Variants in GOLGA8J observed in about 807,000 individuals in gnomAD.
GOLGA8J encodes golgin A8 family member J, also known as golgin subfamily A member 8J.
Under a neutral mutation model 67.7 loss-of-function variants are expected in GOLGA8J, and 19 were observed. The observed-to-expected ratio is 0.28, with a 90% CI of 0.20 to 0.41. The LOEUF is 0.41. Ranked by LOEUF, GOLGA8J falls within the 10% of genes least tolerant of loss-of-function variation. The pLI, the probability that GOLGA8J is intolerant of heterozygous loss-of-function variation, is 1.00. For missense variants in GOLGA8J, 205 were observed against 584.3 expected, an observed-to-expected ratio of 0.35 and a Z score of 6.69; for synonymous variants, 69 against 215.9, an observed-to-expected ratio of 0.32 and a Z score of 5.97.
At chr15:30,085,257 G>A (rs2057337986) in intron 2 of GOLGA8J, among the ~76,000 whole-genome samples, 1 of 94,616 alleles carries the variant, frequency 1.1e-5, no homozygotes, top group Admixed American at 9.4e-5. Context: ...CTCCAGCCTG[G>A]TGACAGAGCA....
At position 30,096,613 on chromosome 15, in the gene GOLGA8J, A is replaced by G. The variant is rs2057470514; in HGVS notation, c.*3114A>G. 6.7e-6 allele frequency among the ~76,000 whole-genome samples: 1 copy of G among 148,342 alleles called. No homozygotes were observed. The highest frequency in any genetic ancestry group is 2.5e-5 in the African/African-American group (1 of 39,554). On this transcript the variant is annotated 3_prime_UTR_variant, in exon 19 of 19. Transcript: ENST00000567927. ...AGAGAATGTGTCGTGGAAATACTGA[A>G]AGATTTTTCCCTAGAGTGGCCTTAT...
chr15:30,089,817 G>T lies in GOLGA8J; in HGVS notation c.992G>T (p.Arg331Leu), dbSNP rs1488768645. 3.9e-6 allele frequency: 6 copies of T among 1,542,814 alleles called. No individual in the cohort carries two copies. The highest frequency in any genetic ancestry group is 3.5e-5 in the South Asian group (3 of 86,792). The change falls in exon 12 of 19, where the codon CGC becomes CTC. Residue 331 changes from arginine to leucine, a missense_variant. By Grantham distance (102) the Arg-to-Leu change is moderately radical (BLOSUM62 -2). Transcript: ENST00000567927. Reference sequence around the variant, plus strand: ...CAGGCCCAGGTCAAAAACAATCAGCGCATAAGTCTCCTGAACCAGCGACAA... The same window carrying T: ...CAGGCCCAGGTCAAAAACAATCAGCTCATAAGTCTCCTGAACCAGCGACAA... ...ELQAQVKNNQ[R>L]ISLLNQRQEE...
intron 1 of GOLGA8J, 30 bp from the exon 2 acceptor site, chr15:30,084,741 C>T: frequency 1.1e-6 from 1 of 939,300 alleles, no homozygotes; most frequent in Non-Finnish European, 1.4e-6. Context: ...TGACGGTTCT[C>T]ATGAGTATTA....
In GOLGA8J at chr15:30,092,097, G is replaced by C. The variant is rs561981130; in HGVS notation, c.1332G>C (p.Pro444=). Residue 444 remains proline, a synonymous_variant, in exon 15 of 19, where the codon CCG becomes CCC. Coordinates refer to ENST00000567927, the MANE Select transcript of GOLGA8J (RefSeq NM_001282472.2). ...SEGEEAPRPM[P]SVPEDPESRE... ...GGGAGGAGGCACCTCGGCCCATGCCGAGTGTCCCAGAGGACCCGGAGAGCA... is the reference window on the plus strand; with the variant it reads ...GGGAGGAGGCACCTCGGCCCATGCCCAGTGTCCCAGAGGACCCGGAGAGCA... 10 of 1,580,456 alleles carry C rather than the reference G, an allele frequency of 6.3e-6. No homozygotes were observed. The East Asian group carries it at 2.1e-4, about 33-fold the overall frequency.
rs775973184 is a variant in GOLGA8J, at chr15:30,092,027, G to A, written c.1277-15G>A. On this transcript the variant is annotated splice_polypyrimidine_tract_variant and intron_variant, in intron 14 of 18. Coordinates refer to ENST00000567927, the MANE Select transcript of GOLGA8J (RefSeq NM_001282472.2). ...TGTTGGGTTGTCTGAAGACCCGTCT[G>A]ACCACCCCCCACAGGACACGGAGGA... 1.3e-6 allele frequency: 2 copies of A among 1,598,704 alleles called. No homozygotes were observed. The highest frequency in any genetic ancestry group is 1.1e-5 in the South Asian group (1 of 89,762).
In GOLGA8J at chr15:30,089,211, C is replaced by A. The variant is rs760608922; in HGVS notation, c.787-25C>A. 7.0e-6 allele frequency: 4 copies of A among 574,478 alleles called. No individual in the cohort carries two copies. In the East Asian group the frequency reaches 1.1e-4, roughly 16 times the overall value. The allele number at this position is 574,478 out of a possible 1,614,324, so 35.6% of individuals were successfully genotyped here. A position where few individuals can be genotyped will look rare whatever the true frequency, so the allele number is the denominator to read the frequency against. ...CAGCCTCCAGCCCCTCTCTCCAAGG[C>A]CCTTTCCCCTTGTGCTTTGGGCAGA... is the stretch of plus-strand genomic sequence containing the variant. On this transcript the variant is annotated intron_variant, in intron 10 of 18. Transcript: ENST00000567927.
intron 2 of GOLGA8J, among the ~76,000 whole-genome samples, chr15:30,085,355 C>A (rs1237056468): frequency 6.5e-5 from 5 of 77,150 alleles, no homozygotes; most frequent in Non-Finnish European, 8.3e-5. Context: ...TGATTTAGGG[C>A]AAGTTGCTAG....
Position 30,094,250 on chromosome 15 carries a change from T to G in GOLGA8J, c.*751T>G, listed in dbSNP as rs1474310905. Among the ~76,000 whole-genome samples, 1 of 145,204 alleles carries G rather than the reference T, an allele frequency of 6.9e-6. No homozygotes were observed. The highest frequency in any genetic ancestry group is 1.5e-5 in the Non-Finnish European group (1 of 67,448). On this transcript the variant is annotated 3_prime_UTR_variant, in exon 19 of 19. Coordinates refer to ENST00000567927, the MANE Select transcript of GOLGA8J (RefSeq NM_001282472.2). ...TGGTTCCCTTAGGATTTGTATGTGC[T>G]CTGGGCTCATGAAGATACTGCATCA...
rs1301284927 is a variant in GOLGA8J, at chr15:30,095,488, A to C, written c.*1989A>C. Among the ~76,000 whole-genome samples, 1 of 146,184 alleles carries C rather than the reference A, an allele frequency of 6.8e-6. No individual in the cohort carries two copies. The highest frequency in any genetic ancestry group is 2.2e-4 in the South Asian group (1 of 4,576). On this transcript the variant is annotated 3_prime_UTR_variant, in exon 19 of 19. Transcript: ENST00000567927. ...AGACCAAATAATGCAGCTAATTAACAGTGGTACGATTTGTAGCCCGTGGGT... is the reference window on the plus strand; with the variant it reads ...AGACCAAATAATGCAGCTAATTAACCGTGGTACGATTTGTAGCCCGTGGGT...
intron 11 of GOLGA8J, 145 bp downstream of exon 11, chr15:30,089,468 C>T: frequency 1.5e-6 from 1 of 678,528 alleles, no homozygotes; most frequent in Non-Finnish European, 2.4e-6. Flanking sequence ...CGAGTCTTGT[C>T]ATCTCAATGA....
At position 30,082,987 on chromosome 15, in the gene GOLGA8J, C is replaced by T. The variant is rs1326454826; in HGVS notation, c.-66C>T. 31 of 33,890 alleles carry T rather than the reference C, an allele frequency of 9.1e-4. 1 individual carries two copies. Among genetic ancestry groups the T allele is most frequent in the Non-Finnish European group, 1.3e-3 (25 of 19,436 alleles). The allele number at this position is 33,890 out of a possible 1,614,324, so 2.1% of individuals were successfully genotyped here. ...CAGCTGCCTGGTAGGTGACTGGAGGCCTTGATCGGTTCTCATTGAGATTTT... is the reference window on the plus strand; with the variant it reads ...CAGCTGCCTGGTAGGTGACTGGAGGTCTTGATCGGTTCTCATTGAGATTTT... On this transcript the variant is annotated 5_prime_UTR_variant, in exon 1 of 19. Coordinates refer to ENST00000567927, the MANE Select transcript of GOLGA8J (RefSeq NM_001282472.2).
chr15:30,092,033 C>CA lies in GOLGA8J; in HGVS notation c.1277-9_1277-8insA, dbSNP rs746431465. The CA allele has an allele frequency of 6.1e-5, 97 of 1,598,222 alleles. 6 individuals carry two copies. In the South Asian group the frequency reaches 1.0e-3, roughly 17 times the overall value. ...GTTGTCTGAAGACCCGTCTGACCAC[C>CA]CCCCACAGGACACGGAGGAGAACAT... On this transcript the variant is annotated splice_polypyrimidine_tract_variant and intron_variant, in intron 14 of 18. Transcript: ENST00000567927.
rs1595385877 is a variant in GOLGA8J at position 30,087,686 on chromosome 15, T to C, written c.591+2T>C. On this transcript the variant is annotated splice_donor_variant, in intron 8 of 18. Transcript: ENST00000567927. LOFTEE classifies it high-confidence loss of function. ...ACACAGAAGAAGAAGGCAAACCAGG[T>C]GAGTCCAACCACCTGCCCCATCCCC... 1.8e-6 allele frequency: 1 copy of C among 563,412 alleles called. No individual in the cohort carries two copies. Among genetic ancestry groups the C allele is most frequent in the South Asian group, 1.6e-5 (1 of 61,790 alleles). 34.9% of individuals were successfully genotyped at this position (563,412 alleles called of 1,614,324 possible).
Position 30,092,350 on chromosome 15 carries a change from G to C in GOLGA8J, c.1368+217G>C. 1.4e-5 allele frequency: 5 copies of C among 349,234 alleles called. 1 individual carries two copies. The highest frequency in any genetic ancestry group is 2.0e-5 in the Non-Finnish European group (5 of 255,072). The allele number at this position is 349,234 out of a possible 1,614,324, so 21.6% of individuals were successfully genotyped here. A position where few individuals can be genotyped will look rare whatever the true frequency, so the allele number is the denominator to read the frequency against. On this transcript the variant is annotated intron_variant, in intron 15 of 18. Transcript: ENST00000567927. ...TCCACCTCTCTGCCCCATTTCTTCT[G>C]TGTATGCCCCTAGAAGAATGCTCAC...
chr15:30,089,969 A>G lies in GOLGA8J; in HGVS notation c.1131+13A>G. On this transcript the variant is annotated intron_variant, in intron 12 of 18. Transcript: ENST00000567927. ...CTTCAAGGAGCCGGTGCGTTGCCCA[A>G]ACTGGGGAGCTTGCCCTCCTCCCTA... The G allele has an allele frequency of 6.6e-7, 1 of 1,521,292 alleles. No individual in the cohort carries two copies. Among genetic ancestry groups the G allele is most frequent in the Non-Finnish European group, 8.7e-7 (1 of 1,145,428 alleles). 94.2% of individuals were successfully genotyped at this position (1,521,292 alleles called of 1,614,324 possible). A position where few individuals can be genotyped will look rare whatever the true frequency, so the allele number is the denominator to read the frequency against.
intron 1 of GOLGA8J, 100 bp from the exon 2 acceptor site, chr15:30,084,671 A>T (rs2057331300): frequency 2.0e-6 from 1 of 511,942 alleles, no homozygotes. Context: ...GTGTCATTAA[A>T]TCAGATGGTG....
Position 30,095,099 on chromosome 15 carries a change from A to T in GOLGA8J, c.*1600A>T, listed in dbSNP as rs373599067. Among the ~76,000 whole-genome samples the T allele has an allele frequency of 4.8e-5, 7 of 145,162 alleles. No individual in the cohort carries two copies. In the East Asian group the frequency reaches 1.4e-3, roughly 30 times the overall value. ...ATTTCAGTTATATATTGCCTAAATC[A>T]TAACTTGATGATGCTTGGGAAAGAC... On this transcript the variant is annotated 3_prime_UTR_variant, in exon 19 of 19. Coordinates refer to ENST00000567927, the MANE Select transcript of GOLGA8J (RefSeq NM_001282472.2).
In GOLGA8J at chr15:30,092,114, C is replaced by T. The variant is rs78489063; in HGVS notation, c.1349C>T (p.Pro450Leu). Residue 450 changes from proline (P) to leucine (L), a missense_variant, in exon 15 of 19, where the codon CCG becomes CTG. By Grantham distance (98) the Pro-to-Leu change is moderately conservative (BLOSUM62 -3). Transcript: ENST00000567927. The stretch of plus-strand genomic sequence containing the variant: ...CCCATGCCGAGTGTCCCAGAGGACC[C>T]GGAGAGCAGGGAGGCCATGGTGAGC... ...PRPMPSVPEDPESREAMSSFM... is the reference protein window; with the variant it reads ...PRPMPSVPEDLESREAMSSFM... 0.071 allele frequency: 107,369 copies of T among 1,508,848 alleles called. 1,844 individuals are homozygous for T. The highest frequency in any genetic ancestry group is 0.25 in the African/African-American group (15,630 of 61,368). 93.5% of individuals were successfully genotyped at this position (1,508,848 alleles called of 1,614,324 possible). A position where few individuals can be genotyped will look rare whatever the true frequency, so the allele number is the denominator to read the frequency against.
chr15:30,091,996 C>T (rs1449940699), intron 14 of GOLGA8J, 46 bp from the exon 15 acceptor site: 22 of 1,593,966 alleles, frequency 1.4e-5, no homozygotes, highest in African/African-American at 2.7e-5. Flanking sequence ...CCCACAGTAC[C>T]TCCCTTGTTG....
Sources: allele counts gnomAD v4.1 joint callset (sites outside exome capture counted in the v4.1 genomes callset), GRCh38; gene constraint gnomAD v4.1.1; transcripts MANE v1.5; gene names NCBI Gene and HGNC (gene_info 2026-07-23, HGNC 2026-07-21).